The following MPHOSPH8 variants were observed in gnomAD, a reference collection of about 807,000 sequenced individuals.
The protein encoded by MPHOSPH8 is M-phase phosphoprotein 8, also known as M-phase phosphoprotein, mpp.
Under a neutral mutation model 87.3 loss-of-function variants are expected in MPHOSPH8, and 45 were observed. That is an observed-to-expected ratio of 0.52 (90% CI 0.41 to 0.66). The LOEUF is 0.66. MPHOSPH8 is among the 30% of genes least tolerant of loss of function. The probability of loss-of-function intolerance (pLI) is 0.00; values close to 1 mark genes in which losing one functional copy is unlikely to be tolerated. For missense variants in MPHOSPH8, 883 were observed against 1,020.2 expected, an observed-to-expected ratio of 0.87 and a Z score of 1.83; for synonymous variants, 366 against 376.9, an observed-to-expected ratio of 0.97 and a Z score of 0.33.
Position 19,647,199 on chromosome 13 carries a change from G to C in MPHOSPH8, c.1126G>C (p.Glu376Gln). ...QDRSKSAAEL[E>Q]KLMPVSAQTP... ...CAGAAGCAAAAGTGCTGCAGAGTTA[G>C]AGAAGCTGATGCCTGTATCTGCCCA... The change falls in exon 3 of 14, where the codon GAG (glutamate) becomes CAG (glutamine). Residue 376 changes from glutamate to glutamine, a missense_variant. Glu to Gln is a conservative substitution (Grantham distance 29). Around this residue, in one of 3 missense-constraint regions of MPHOSPH8, gnomAD observed 741 missense variants for 841.5 expected, o/e 0.88. Coordinates refer to ENST00000361479, the MANE Select transcript of MPHOSPH8 (RefSeq NM_017520.4). 1 of 1,614,222 alleles carries C rather than the reference G, an allele frequency of 6.2e-7. No homozygotes were observed. The highest frequency in any genetic ancestry group is 8.5e-7 in the Non-Finnish European group (1 of 1,180,044).
At chr13:19,651,865 C>T (rs1014578352) in intron 5 of MPHOSPH8, among the ~76,000 whole-genome samples, 5 of 151,800 alleles carry the variant, frequency 3.3e-5, no homozygotes, top group Non-Finnish European at 7.4e-5. Context: ...TTTGGGAGGC[C>T]GAGGCAGGCA....
chr13:19,650,909 G>A (rs1371294056), intron 5 of MPHOSPH8, among the ~76,000 whole-genome samples: 3 of 152,230 alleles, frequency 2.0e-5, no homozygotes, highest in African/African-American at 7.2e-5. Flanking sequence ...CTTGGATACC[G>A]AGGGAAAATG....
At position 19,661,841 on chromosome 13, in the gene MPHOSPH8, T is replaced by A. The variant is rs1385318371; in HGVS notation, c.1932+3T>A. 1 of 1,602,546 alleles carries A rather than the reference T, an allele frequency of 6.2e-7. No homozygotes were observed. Among genetic ancestry groups the A allele is most frequent in the South Asian group, 1.1e-5 (1 of 89,498 alleles). On this transcript the variant is annotated splice_donor_region_variant and intron_variant, in intron 8 of 13. Coordinates refer to ENST00000361479, the MANE Select transcript of MPHOSPH8 (RefSeq NM_017520.4). ...CCCTCATTCATGCTGCAGAGAAGGTTTGTGGCTTCTTATGCATCAGTTTCA... is the reference window on the plus strand; with the variant it reads ...CCCTCATTCATGCTGCAGAGAAGGTATGTGGCTTCTTATGCATCAGTTTCA...
chr13:19,671,639 A>T (rs1876134348), intron 13 of MPHOSPH8, among the ~76,000 whole-genome samples, 195 bp from the exon 14 acceptor site: 1 of 152,220 alleles, frequency 6.6e-6, no homozygotes, highest in Non-Finnish European at 1.5e-5. Flanking sequence ...CTCTAATAAA[A>T]CAGTAATATA....
At chr13:19,633,997 G>T in intron 1 of MPHOSPH8, 36 bp downstream of exon 1, 1 of 1,584,106 alleles carries the variant, frequency 6.3e-7, no homozygotes, top group Non-Finnish European at 8.6e-7. Flanking sequence ...GCTGGGCGGG[G>T]AGCTCCGGGC....
At position 19,633,872 on chromosome 13, in the gene MPHOSPH8, G is replaced by A. The variant is rs779448685; in HGVS notation, c.124G>A (p.Ala42Thr). ...GVVGEDNDAA[A>T]RGAEAFGDSE... is the part of the protein sequence containing the mutation. ...AGTGGGCGAAGATAATGACGCAGCC[G>A]CGAGAGGAGCGGAGGCCTTTGGCGA... is the stretch of plus-strand genomic sequence containing the variant. The change falls in exon 1 of 14, where the codon GCG (alanine) becomes ACG (threonine). Residue 42 changes from alanine (A) to threonine (T), a missense_variant. Ala to Thr is a moderately conservative substitution (Grantham distance 58, BLOSUM62 0). Coordinates refer to ENST00000361479, the MANE Select transcript of MPHOSPH8 (RefSeq NM_017520.4). 2 of 1,611,270 alleles carry A rather than the reference G, an allele frequency of 1.2e-6. No homozygotes were observed. The highest frequency in any genetic ancestry group is 1.7e-6 in the Non-Finnish European group (2 of 1,179,112).
chr13:19,666,277 T>C, intron 9 of MPHOSPH8, 148 bp from the exon 10 acceptor site: 1 of 683,136 alleles, frequency 1.5e-6, no homozygotes, highest in Non-Finnish European at 2.4e-6. Context: ...CCTAACGCTG[T>C]GGCCTGACGG....
At chr13:19,634,988 T>C (rs1183223690) in intron 1 of MPHOSPH8, among the ~76,000 whole-genome samples, 1 of 152,226 alleles carries the variant, frequency 6.6e-6, no homozygotes, top group African/African-American at 2.4e-5. Flanking sequence ...CCGGACAATA[T>C]AGAGATTTTA....
chr13:19,645,507 C>T (rs1194029855), intron 2 of MPHOSPH8, among the ~76,000 whole-genome samples: 1 of 152,098 alleles, frequency 6.6e-6, no homozygotes, highest in Non-Finnish European at 1.5e-5. Context: ...CGCCGTGGCT[C>T]ACCCCTGTAA....
chr13:19,657,732 C>A (rs1227756763), intron 5 of MPHOSPH8, among the ~76,000 whole-genome samples: 5 of 152,162 alleles, frequency 3.3e-5, no homozygotes, highest in East Asian at 1.9e-4. Context: ...TCTGTTCTTA[C>A]AGCAGTCCTG....
rs1450994169 is a variant in MPHOSPH8, at chr13:19,633,984, G to A, written c.213+23G>A. 1.9e-6 allele frequency: 3 copies of A among 1,590,790 alleles called. 1 individual carries two copies. The South Asian group carries it at 3.4e-5, about 18-fold the overall frequency. On this transcript the variant is annotated intron_variant, in intron 1 of 13. Coordinates refer to ENST00000361479, the MANE Select transcript of MPHOSPH8 (RefSeq NM_017520.4). ...GGGGTATGTGGAGGGGCCCCGGCGC[G>A]GGGCTGGGCGGGGAGCTCCGGGCCT...
rs1280352907 is a variant in MPHOSPH8, at chr13:19,646,624, C to T, written c.551C>T (p.Pro184Leu). Reference sequence around the variant, plus strand: ...GGGAAGCTAAAAGACAAGTCCAAACCAGACCTGGAGAGCTCCTTGGAAAGT... The same window carrying T: ...GGGAAGCTAAAAGACAAGTCCAAACTAGACCTGGAGAGCTCCTTGGAAAGT... Reference protein sequence around the residue: ...KAGKLKDKSKPDLESSLESLV... With the variant: ...KAGKLKDKSKLDLESSLESLV... Residue 184 changes from proline (P) to leucine (L), a missense_variant, in exon 3 of 14, where the codon CCA becomes CTA. Coordinates refer to ENST00000361479, the MANE Select transcript of MPHOSPH8 (RefSeq NM_017520.4). The T allele has an allele frequency of 2.5e-6, 4 of 1,586,152 alleles. No homozygotes were observed. In the African/African-American group the frequency reaches 4.1e-5, roughly 16 times the overall value.
chr13:19,665,894 G>A (rs145692159), intron 9 of MPHOSPH8, among the ~76,000 whole-genome samples: 1,585 of 152,290 alleles, frequency 0.01, 29 homozygotes, highest in African/African-American at 0.036. Context: ...GTTCAGATTC[G>A]GATCTGTGCT....
chr13:19,659,494 A>G (rs1011495995), intron 7 of MPHOSPH8, among the ~76,000 whole-genome samples: 5 of 151,876 alleles, frequency 3.3e-5, no homozygotes, highest in African/African-American at 4.8e-5. Context: ...TGAAACCCCA[A>G]CTCTACAAAA....
Position 19,633,669 on chromosome 13 carries a change from A to T in MPHOSPH8, c.-80A>T. 1 of 1,466,494 alleles carries T rather than the reference A, an allele frequency of 6.8e-7. No individual in the cohort carries two copies. Among genetic ancestry groups the T allele is most frequent in the Non-Finnish European group, 9.3e-7 (1 of 1,072,138 alleles). 90.8% of individuals were successfully genotyped at this position (1,466,494 alleles called of 1,614,324 possible). On this transcript the variant is annotated 5_prime_UTR_variant, in exon 1 of 14. Transcript: ENST00000361479. ...TTCCGTTACGCCGCTGATGTGGAGTAGGGCCGAGCGCGGAACGCGAGGGGC... is the reference window on the plus strand; with the variant it reads ...TTCCGTTACGCCGCTGATGTGGAGTTGGGCCGAGCGCGGAACGCGAGGGGC...
chr13:19,655,679 T>TGGCCAGAAACATTGA (rs1241474854), intron 5 of MPHOSPH8, among the ~76,000 whole-genome samples: 7 of 152,176 alleles, frequency 4.6e-5, no homozygotes, highest in Non-Finnish European at 8.8e-5. Context: ...CCACCATGAC[T>TGGCCAGAAACATTGA]GGCCAGAAAC....
chr13:19,671,945 ATTC>A lies in MPHOSPH8; in HGVS notation c.*75_*77del, dbSNP rs942964516. 2.7e-6 allele frequency: 4 copies of A among 1,488,528 alleles called. No individual in the cohort carries two copies. Among genetic ancestry groups the A allele is most frequent in the Non-Finnish European group, 3.7e-6 (4 of 1,067,644 alleles). The allele number at this position is 1,488,528 out of a possible 1,614,324, so 92.2% of individuals were successfully genotyped here. ...ATACTCTCTTTGACAGCAGTTTGGAATTCTTCTAGCACATCTATGTAAAGTTTT... is the reference window on the plus strand; with the variant it reads ...ATACTCTCTTTGACAGCAGTTTGGAATTCTAGCACATCTATGTAAAGTTTT... On this transcript the variant is annotated 3_prime_UTR_variant, in exon 14 of 14. Transcript: ENST00000361479.
At position 19,672,128 on chromosome 13, in the gene MPHOSPH8, T is replaced by C. The variant is rs562040959; in HGVS notation, c.*253T>C. 1 of 432,332 alleles carries C rather than the reference T, an allele frequency of 2.3e-6. No individual in the cohort carries two copies. Among genetic ancestry groups the C allele is most frequent in the Admixed American group, 3.7e-5 (1 of 26,792 alleles). 26.8% of individuals were successfully genotyped at this position (432,332 alleles called of 1,614,324 possible). A position where few individuals can be genotyped will look rare whatever the true frequency, so the allele number is the denominator to read the frequency against. ...GTGGATAGTACATATGAGGATTATT[T>C]AAGAAAATTAAAGACTTCACTTTCT... On this transcript the variant is annotated 3_prime_UTR_variant, in exon 14 of 14. Coordinates refer to ENST00000361479, the MANE Select transcript of MPHOSPH8 (RefSeq NM_017520.4).
In MPHOSPH8 at chr13:19,672,852, C is replaced by T. The variant is rs1019234407; in HGVS notation, c.*977C>T. ...TGGTGGCTCACACCTATAATCCCAGCGCTTTGGAGGCTGAGGTTGGAGGAT... is the reference window on the plus strand; with the variant it reads ...TGGTGGCTCACACCTATAATCCCAGTGCTTTGGAGGCTGAGGTTGGAGGAT... On this transcript the variant is annotated 3_prime_UTR_variant, in exon 14 of 14. Transcript: ENST00000361479. 5 of 336,170 alleles carry T rather than the reference C, an allele frequency of 1.5e-5. No individual in the cohort carries two copies. Among genetic ancestry groups the T allele is most frequent in the Admixed American group, 3.8e-5 (1 of 26,128 alleles). 20.8% of individuals were successfully genotyped at this position (336,170 alleles called of 1,614,324 possible). A position where few individuals can be genotyped will look rare whatever the true frequency, so the allele number is the denominator to read the frequency against.
Sources: gnomAD v4.1 joint callset for allele counts (sites outside exome capture counted in the v4.1 genomes callset) on GRCh38, gnomAD v4.1.1 for gene constraint, gnomAD v4.1.1 regional missense constraint, MANE v1.5 for transcripts, NCBI Gene and HGNC (gene_info 2026-07-23, HGNC 2026-07-21) for gene names.